The following SDHAF3 variants were observed in gnomAD, a reference collection of about 807,000 sequenced individuals.
The protein encoded by SDHAF3 is succinate dehydrogenase assembly factor 3, mitochondrial.
In SDHAF3, 18 loss-of-function variants were observed where a neutral mutation model predicts 11.5. The ratio of observed to expected loss-of-function variants is 1.56; its 90% confidence interval spans 1.08 to 2.32. The LOEUF is 2.32. Ranked by LOEUF, SDHAF3 falls within the 30% of genes most tolerant of loss-of-function variation. SDHAF3 has a pLI of 0.00. For synonymous variants in SDHAF3, 72 were observed against 59.3 expected (o/e 1.21, Z -0.99); for missense variants, 200 against 154.4 (o/e 1.30, Z -1.57).
chr7:97,154,940 A>G (rs886351758), intron 1 of SDHAF3, among the ~76,000 whole-genome samples: 10 of 152,180 alleles, frequency 6.6e-5, no homozygotes, highest in South Asian at 4.1e-4. Flanking sequence ...TAAAAAATCA[A>G]TTAGGCATAT....
chr7:97,148,121 A>G (rs1789164107), intron 1 of SDHAF3, among the ~76,000 whole-genome samples: 1 of 152,044 alleles, frequency 6.6e-6, no homozygotes, highest in African/African-American at 2.4e-5. Flanking sequence ...CCCGAACTCC[A>G]GACCCCAAGT....
intron 1 of SDHAF3, among the ~76,000 whole-genome samples, chr7:97,137,085 T>C (rs1376150519): frequency 6.6e-6 from 1 of 152,244 alleles, no homozygotes. Context: ...GTATTTATTA[T>C]ATTCTTTCTT....
At chr7:97,136,495 G>A in intron 1 of SDHAF3, 1 of 608,166 alleles carries the variant, frequency 1.6e-6, no homozygotes, top group Non-Finnish European at 3.0e-6. Context: ...GATTATTTTA[G>A]TTCCACTTTT....
chr7:97,168,397 A>T (rs1310102770), intron 1 of SDHAF3, among the ~76,000 whole-genome samples: 1 of 152,172 alleles, frequency 6.6e-6, no homozygotes, highest in Non-Finnish European at 1.5e-5. Context: ...CCCAGGCAAG[A>T]AGGGGGTTTG....
intron 1 of SDHAF3, among the ~76,000 whole-genome samples, chr7:97,127,512 G>A (rs1791593497): frequency 6.6e-6 from 1 of 152,014 alleles, no homozygotes; most frequent in African/African-American, 2.4e-5. Flanking sequence ...ATTTTGAAGT[G>A]GATCATCATT....
At chr7:97,143,529 C>T (rs953340371) in intron 1 of SDHAF3, among the ~76,000 whole-genome samples, 2 of 152,116 alleles carry the variant, frequency 1.3e-5, no homozygotes, top group African/African-American at 4.8e-5. Context: ...AGCTTAGCTC[C>T]CACATATCAG....
At chr7:97,125,623 T>G (rs531215842) in intron 1 of SDHAF3, among the ~76,000 whole-genome samples, 2 of 152,348 alleles carry the variant, frequency 1.3e-5, no homozygotes, top group East Asian at 3.9e-4. Context: ...CTTTGTTGAT[T>G]TGGCTCTTGA....
chr7:97,132,024 G>A (rs1450535492), intron 1 of SDHAF3, among the ~76,000 whole-genome samples: 3 of 152,112 alleles, frequency 2.0e-5, no homozygotes, highest in East Asian at 3.8e-4. Flanking sequence ...AAGATTGATT[G>A]TAATTTTCTT....
At chr7:97,136,968 A>G (rs1226746297) in intron 1 of SDHAF3, among the ~76,000 whole-genome samples, 1 of 152,056 alleles carries the variant, frequency 6.6e-6, no homozygotes, top group African/African-American at 2.4e-5. Context: ...TGTGATTCCT[A>G]TTGTGTAATA....
At chr7:97,130,585 G>T (rs1584210597) in intron 1 of SDHAF3, among the ~76,000 whole-genome samples, 1 of 152,288 alleles carries the variant, frequency 6.6e-6, no homozygotes, top group East Asian at 1.9e-4. Flanking sequence ...TGGCTCTTGG[G>T]CTGGCCCCAC....
chr7:97,164,350 T>C (rs529800245), intron 1 of SDHAF3, among the ~76,000 whole-genome samples: 1 of 151,392 alleles, frequency 6.6e-6, no homozygotes, highest in South Asian at 2.1e-4. Context: ...GTAATTATTA[T>C]CTCTAAACTA....
chr7:97,125,185 C>T (rs771618473), intron 1 of SDHAF3, among the ~76,000 whole-genome samples: 6 of 151,926 alleles, frequency 3.9e-5, no homozygotes, highest in Admixed American at 6.6e-5. Context: ...AAAACGGCTC[C>T]GATTCATGGA....
intron 1 of SDHAF3, among the ~76,000 whole-genome samples, chr7:97,170,554 A>G (rs1295270617): frequency 6.6e-6 from 1 of 152,200 alleles, no homozygotes; most frequent in Non-Finnish European, 1.5e-5. Context: ...GTCCAATATC[A>G]TGGACATAGA....
At chr7:97,167,394 C>T (rs1789524790) in intron 1 of SDHAF3, among the ~76,000 whole-genome samples, 1 of 152,180 alleles carries the variant, frequency 6.6e-6, no homozygotes, top group East Asian at 1.9e-4. Flanking sequence ...GGCTACCAAA[C>T]TGTGAGTCAA....
At chr7:97,142,217 C>G (rs1789060537) in intron 1 of SDHAF3, among the ~76,000 whole-genome samples, 1 of 151,606 alleles carries the variant, frequency 6.6e-6, no homozygotes, top group Non-Finnish European at 1.5e-5. Context: ...CCACGCCTAG[C>G]TAATTTTTTG....
intron 1 of SDHAF3, among the ~76,000 whole-genome samples, chr7:97,126,925 C>G (rs1376672956): frequency 2.0e-5 from 3 of 151,986 alleles, no homozygotes; most frequent in African/African-American, 7.3e-5. Context: ...AACCCAGGGC[C>G]TTGGTGGTGT....
At chr7:97,166,751 G>GGC (rs898619679) in intron 1 of SDHAF3, among the ~76,000 whole-genome samples, 4 of 151,840 alleles carry the variant, frequency 2.6e-5, no homozygotes, top group Non-Finnish European at 4.4e-5. Flanking sequence ...GTTGGCGGGG[G>GGC]GGGCTTAGAA....
intron 1 of SDHAF3, among the ~76,000 whole-genome samples, chr7:97,122,300 T>C (rs1055092324): frequency 3.9e-5 from 6 of 152,196 alleles, no homozygotes; most frequent in African/African-American, 1.4e-4. Flanking sequence ...TTTTGAATCA[T>C]TGAAGGCTTT....
intron 1 of SDHAF3, among the ~76,000 whole-genome samples, chr7:97,150,531 G>T (rs1344694031): frequency 1.3e-5 from 2 of 150,996 alleles, no homozygotes; most frequent in Admixed American, 6.6e-5. Flanking sequence ...TTGTCAGTGA[G>T]CAGTAATATT....
Sources: allele counts gnomAD v4.1 joint callset (sites outside exome capture counted in the v4.1 genomes callset), GRCh38; gene constraint gnomAD v4.1.1; transcripts MANE v1.5; gene names NCBI Gene and HGNC (gene_info 2026-07-23, HGNC 2026-07-21).